UGT1A3: variants seen among roughly 807,000 people sequenced by gnomAD.
UGT1A3 encodes UDP-glucuronosyltransferase 1A3.
A neutral mutation model predicts 41.0 loss-of-function variants in UGT1A3; 31 were observed. That is an observed-to-expected ratio of 0.76 (90% CI 0.57 to 1.02). UGT1A3 has a LOEUF of 1.02. UGT1A3 is among the 50% of genes least tolerant of loss of function. The pLI, the probability that UGT1A3 is intolerant of heterozygous loss-of-function variation, is 0.00. For synonymous variants in UGT1A3, 262 were observed against 257.6 expected, an observed-to-expected ratio of 1.02 and a Z score of -0.17; for missense variants, 737 against 671.0, an observed-to-expected ratio of 1.10 and a Z score of -1.09.
At position 233,767,169 on chromosome 2, in the gene UGT1A3, A is replaced by G; in HGVS notation, c.999+4A>G. On this transcript the variant is annotated splice_donor_region_variant and intron_variant, in intron 2 of 4. Coordinates refer to ENST00000482026, the MANE Select transcript of UGT1A3 (RefSeq NM_019093.4). The stretch of plus-strand genomic sequence containing the variant: ...TTTGGGCAAAATCCCTCAGACAGTA[A>G]GAAGATTCTATACCATGGCCTCATA... 1.2e-6 allele frequency: 2 copies of G among 1,614,122 alleles called. No homozygotes were observed. The highest frequency in any genetic ancestry group is 1.7e-6 in the Non-Finnish European group (2 of 1,180,012).
chr2:233,743,362 C>T (rs1294240310), intron 1 of UGT1A3: 4 of 1,036,752 alleles, frequency 3.9e-6, no homozygotes, highest in Non-Finnish European at 5.4e-6. Flanking sequence ...CTTGAAGCTG[C>T]CTGTCCCATC....
At chr2:233,737,732 C>A (rs569109147) in intron 1 of UGT1A3, among the ~76,000 whole-genome samples, 1 of 151,490 alleles carries the variant, frequency 6.6e-6, no homozygotes, top group African/African-American at 2.4e-5. Flanking sequence ...TTTTTTTTTC[C>A]TTTTCTCTTC....
At chr2:233,730,677 T>C (rs1282265511) in intron 1 of UGT1A3, among the ~76,000 whole-genome samples, 2 of 152,094 alleles carry the variant, frequency 1.3e-5, no homozygotes, top group Non-Finnish European at 2.9e-5. Flanking sequence ...AAAGTAATGG[T>C]TGCATCTCAA....
At chr2:233,730,016 A>C in intron 1 of UGT1A3, 23 bp downstream of exon 1, 1 of 1,613,836 alleles carries the variant, frequency 6.2e-7, no homozygotes. Context: ...GCCTTCATCC[A>C]ATCAATGTTC....
chr2:233,755,312 G>C (rs976147893), intron 1 of UGT1A3: 6 of 551,356 alleles, frequency 1.1e-5, no homozygotes, highest in Middle Eastern at 4.3e-4. Flanking sequence ...CACAGCGAGC[G>C]GCAAGGCTGC....
intron 1 of UGT1A3, among the ~76,000 whole-genome samples, chr2:233,730,748 G>C (rs2078070259): frequency 6.6e-6 from 1 of 152,108 alleles, no homozygotes; most frequent in Non-Finnish European, 1.5e-5. Flanking sequence ...CTAGGGAGGA[G>C]ATAAGACTGT....
chr2:233,739,477 G>C (rs569787669), intron 1 of UGT1A3, among the ~76,000 whole-genome samples: 1 of 152,350 alleles, frequency 6.6e-6, no homozygotes, highest in East Asian at 1.9e-4. Context: ...GACCGTGGGA[G>C]CCCATTTCTG....
At chr2:233,744,266 A>G (rs1300904192) in intron 1 of UGT1A3, among the ~76,000 whole-genome samples, 1 of 151,778 alleles carries the variant, frequency 6.6e-6, no homozygotes, top group Admixed American at 6.5e-5. Flanking sequence ...GTTTTTCTTA[A>G]AGTAGGCTTT....
At chr2:233,740,937 T>A (rs1575638428) in intron 1 of UGT1A3, 2 of 146,280 alleles carry the variant, frequency 1.4e-5, no homozygotes, top group Admixed American at 6.8e-5. Context: ...GTTTTTTTTT[T>A]AATTAGCTAG....
At chr2:233,767,789 A>T (rs1699484858) in intron 2 of UGT1A3, 60 bp from the exon 3 acceptor site, 5 of 1,613,778 alleles carry the variant, frequency 3.1e-6, no homozygotes, top group Non-Finnish European at 4.2e-6. Context: ...AGTATAGCAG[A>T]TTTGTTTTCT....
rs2077917790 is a variant in UGT1A3, at chr2:233,729,744, A to T, written c.618A>T (p.Thr206=). 1.9e-6 allele frequency: 3 copies of T among 1,613,828 alleles called. No homozygotes were observed. Among genetic ancestry groups the T allele is most frequent in the African/African-American group, 1.3e-5 (1 of 74,918 alleles). The part of the protein sequence containing the change: ...RLLTTNSDHM[T]FMQRVKNMLY... Reference sequence around the variant, plus strand: ...TAACAACCAATTCAGACCACATGACATTCATGCAAAGGGTCAAGAACATGC... The same window carrying T: ...TAACAACCAATTCAGACCACATGACTTTCATGCAAAGGGTCAAGAACATGC... Residue 206 remains threonine, a synonymous_variant, in exon 1 of 5, where the codon ACA becomes ACT. Coordinates refer to ENST00000482026, the MANE Select transcript of UGT1A3 (RefSeq NM_019093.4).
At chr2:233,745,905 G>A (rs1693243700) in intron 1 of UGT1A3, among the ~76,000 whole-genome samples, 1 of 151,554 alleles carries the variant, frequency 6.6e-6, no homozygotes, top group Non-Finnish European at 1.5e-5. Context: ...TTTTCAGGGA[G>A]CAGCTGAGGC....
In UGT1A3 at chr2:233,769,619, C is replaced by T; in HGVS notation, c.1307+1180C>T. The T allele has an allele frequency of 6.2e-7, 1 of 1,612,516 alleles. No individual in the cohort carries two copies. Among genetic ancestry groups the T allele is most frequent in the African/African-American group, 1.3e-5 (1 of 75,052 alleles). ...GAACACGGGGACACACCAGCTTGAG[C>T]AAGGGACAACAGGGGAGGACTGATG... On this transcript the variant is annotated intron_variant, in intron 4 of 4. Transcript: ENST00000482026. The surrounding 1 kb of genome is among the most constrained non-coding windows in gnomAD (Gnocchi z 4.4).
chr2:233,730,339 G>T (rs954764150), intron 1 of UGT1A3, among the ~76,000 whole-genome samples: 16 of 152,296 alleles, frequency 1.1e-4, no homozygotes, highest in Non-Finnish European at 7.4e-5. Context: ...GTTTGGAACT[G>T]ATCCATCCTG....
chr2:233,742,224 G>A (rs191023728), intron 1 of UGT1A3, among the ~76,000 whole-genome samples: 4 of 152,020 alleles, frequency 2.6e-5, no homozygotes, highest in Non-Finnish European at 5.9e-5. Flanking sequence ...AGGGCTGAGA[G>A]CCCCAAACAG....
intron 1 of UGT1A3, chr2:233,755,291 C>T (rs1483791202): frequency 1.2e-5 from 8 of 651,216 alleles, no homozygotes; most frequent in Non-Finnish European, 1.9e-5. Context: ...AAAGAGCCTG[C>T]GGGGCACTGG....
At chr2:233,747,199 G>C in intron 1 of UGT1A3, 1 of 1,604,214 alleles carries the variant, frequency 6.2e-7, no homozygotes, top group African/African-American at 1.3e-5. Context: ...TCAGCTGTCC[G>C]TGTCTTCTGC....
At position 233,746,718 on chromosome 2, in the gene UGT1A3, T is replaced by A. The variant is rs1161016418; in HGVS notation, c.867+16725T>A. The stretch of plus-strand genomic sequence containing the variant: ...ATAAATATTTGGTGGATAAGGGAAT[T>A]AGCAATGGATTCTGCTTTGGTTCCA... On this transcript the variant is annotated intron_variant, in intron 1 of 4. Transcript: ENST00000482026. Among the ~76,000 whole-genome samples, 3 of 151,822 alleles carry A rather than the reference T, an allele frequency of 2.0e-5. 1 individual carries two copies. Among genetic ancestry groups the A allele is most frequent in the African/African-American group, 7.3e-5 (3 of 41,076 alleles).
intron 1 of UGT1A3, among the ~76,000 whole-genome samples, chr2:233,749,386 A>T (rs1303750912): frequency 1.3e-5 from 2 of 151,906 alleles, no homozygotes; most frequent in African/African-American, 2.4e-5. Context: ...CAGTTTTTCA[A>T]TGTGAACATA....
Sources: allele counts gnomAD v4.1 joint callset (sites outside exome capture counted in the v4.1 genomes callset), GRCh38; gene constraint gnomAD v4.1.1; non-coding constraint Gnocchi (gnomAD v3.1); transcripts MANE v1.5; gene names NCBI Gene and HGNC (gene_info 2026-07-23, HGNC 2026-07-21).